The following SGCZ variants were observed in gnomAD, a reference collection of about 807,000 sequenced individuals.
The protein encoded by SGCZ is sarcoglycan zeta, also known as zeta-sarcoglycan.
SGCZ carries 40 observed loss-of-function variants against 41.3 expected under a neutral mutation model. The ratio of observed to expected loss-of-function variants is 0.97; its 90% confidence interval spans 0.75 to 1.26. The LOEUF (loss-of-function observed/expected upper bound fraction) is 1.26. SGCZ is among the 50% of genes most tolerant of loss of function. The pLI, the probability that SGCZ is intolerant of heterozygous loss-of-function variation, is 0.00. For missense variants in SGCZ, 552 were observed against 369.8 expected (o/e 1.49, Z -4.04); for synonymous variants, 206 against 137.5 (o/e 1.50, Z -3.49).
At chr8:15,230,072 A>T (rs117644041) in intron 1 of SGCZ, among the ~76,000 whole-genome samples, 5,333 of 152,084 alleles carry the variant, frequency 0.035, 155 homozygotes, top group Non-Finnish European at 0.047. Context: ...GCATGAAGAG[A>T]TGTGAAGTGT....
chr8:14,382,311 G>C (rs1012265641), intron 2 of SGCZ, among the ~76,000 whole-genome samples: 1 of 152,090 alleles, frequency 6.6e-6, no homozygotes, highest in African/African-American at 2.4e-5. Context: ...GTCTGCACCA[G>C]TATTGATTGT....
chr8:15,149,241 T>G (rs1799115162), intron 1 of SGCZ, among the ~76,000 whole-genome samples: 2 of 152,160 alleles, frequency 1.3e-5, no homozygotes, highest in South Asian at 4.1e-4. Context: ...CTATATGGGA[T>G]GAGGTCTGGA....
At chr8:14,198,427 C>T (rs1419398505) in intron 4 of SGCZ, among the ~76,000 whole-genome samples, 1 of 152,062 alleles carries the variant, frequency 6.6e-6, no homozygotes, top group East Asian at 1.9e-4. Flanking sequence ...GAACAATGGA[C>T]ATTAGGGAAT....
At chr8:15,015,687 C>CAAAAAAA (rs61080299) in intron 1 of SGCZ, among the ~76,000 whole-genome samples, 1 of 121,784 alleles carries the variant, frequency 8.2e-6, no homozygotes, top group Admixed American at 9.3e-5. Flanking sequence ...GACTCCATCT[C>CAAAAAAA]AAAAAAAAAA....
At chr8:14,982,087 T>G (rs1360697020) in intron 1 of SGCZ, among the ~76,000 whole-genome samples, 1 of 151,596 alleles carries the variant, frequency 6.6e-6, no homozygotes, top group East Asian at 1.9e-4. Flanking sequence ...GAGGCGGAGT[T>G]TGCAGTGAGC....
chr8:14,137,991 A>G (rs1803253653), intron 5 of SGCZ, among the ~76,000 whole-genome samples: 1 of 152,222 alleles, frequency 6.6e-6, no homozygotes, highest in Non-Finnish European at 1.5e-5. Context: ...CTCAGCAGAA[A>G]TTCTACAAGC....
At chr8:14,178,236 G>C (rs1197267424) in intron 4 of SGCZ, among the ~76,000 whole-genome samples, 3 of 152,128 alleles carry the variant, frequency 2.0e-5, no homozygotes, top group Non-Finnish European at 2.9e-5. Context: ...TTACAGGCTT[G>C]AGCCACCACA....
At chr8:14,854,804 G>A (rs933417174) in intron 1 of SGCZ, among the ~76,000 whole-genome samples, 6 of 151,904 alleles carry the variant, frequency 3.9e-5, no homozygotes, top group African/African-American at 1.2e-4. Flanking sequence ...ATTGGGATCA[G>A]TCTCCCAGGG....
chr8:15,227,776 C>T (rs568672022), intron 1 of SGCZ, among the ~76,000 whole-genome samples: 11 of 152,300 alleles, frequency 7.2e-5, no homozygotes, highest in African/African-American at 2.6e-4. Flanking sequence ...CTCCACAACT[C>T]TGAATAGGCA....
At chr8:14,492,369 T>C (rs982304668) in intron 2 of SGCZ, among the ~76,000 whole-genome samples, 1 of 152,196 alleles carries the variant, frequency 6.6e-6, no homozygotes, top group African/African-American at 2.4e-5. Flanking sequence ...AAAATATTGT[T>C]GATAAGTTAA....
chr8:14,146,241 A>G (rs1037279972), intron 5 of SGCZ, among the ~76,000 whole-genome samples: 4 of 152,188 alleles, frequency 2.6e-5, no homozygotes, highest in African/African-American at 9.7e-5. Context: ...CTGGCAGCCA[A>G]CTCTTTCAGT....
intron 2 of SGCZ, among the ~76,000 whole-genome samples, chr8:14,376,328 T>C (rs994193208): frequency 1.3e-5 from 2 of 149,658 alleles, no homozygotes; most frequent in African/African-American, 5.0e-5. Context: ...TAAAATAAAA[T>C]AAAAAATAAA....
intron 3 of SGCZ, among the ~76,000 whole-genome samples, chr8:14,268,949 C>T (rs1799967118): frequency 6.6e-6 from 1 of 151,382 alleles, no homozygotes; most frequent in Admixed American, 6.6e-5. Flanking sequence ...AAGTATATAT[C>T]TTAAGTGCCA....
chr8:15,180,310 G>C (rs1024331788), intron 1 of SGCZ, among the ~76,000 whole-genome samples: 5 of 152,028 alleles, frequency 3.3e-5, no homozygotes, highest in African/African-American at 1.2e-4. Context: ...TTTTCCACTG[G>C]CTATATAAAA....
intron 1 of SGCZ, among the ~76,000 whole-genome samples, chr8:14,817,522 C>G (rs1801944402): frequency 1.3e-5 from 2 of 152,122 alleles, no homozygotes; most frequent in Admixed American, 6.5e-5. Flanking sequence ...AGAGTACTTT[C>G]TGCCCTAGGG....
chr8:14,384,070 T>G (rs959349609), intron 2 of SGCZ, among the ~76,000 whole-genome samples: 4 of 152,002 alleles, frequency 2.6e-5, no homozygotes, highest in African/African-American at 9.7e-5. Flanking sequence ...ACCCATTAAC[T>G]CGTCATTTAG....
intron 1 of SGCZ, among the ~76,000 whole-genome samples, chr8:14,936,341 C>T (rs191400973): frequency 2.0e-5 from 3 of 152,010 alleles, no homozygotes; most frequent in Admixed American, 2.0e-4. Flanking sequence ...AAATCTTAGC[C>T]TAGCCTACCT....
Position 14,599,270 on chromosome 8 carries a change from G to A in SGCZ, c.40-44344C>T, listed in dbSNP as rs190371122. ...CTCAAATCCCTCCTTACCTATTTTTGATGCAATGTCTATCATTATAATCAG... is the reference window on the plus strand; with the variant it reads ...CTCAAATCCCTCCTTACCTATTTTTAATGCAATGTCTATCATTATAATCAG... On this transcript the variant is annotated intron_variant, in intron 1 of 7. Coordinates refer to ENST00000382080, the MANE Select transcript of SGCZ (RefSeq NM_139167.4). 6.6e-3 allele frequency among the ~76,000 whole-genome samples: 1,000 copies of A among 152,172 alleles called. 10 individuals are homozygous for A. The highest frequency in any genetic ancestry group is 8.1e-3 in the Non-Finnish European group (548 of 67,996).
At chr8:14,375,222 C>G (rs1208259495) in intron 2 of SGCZ, among the ~76,000 whole-genome samples, 1 of 152,112 alleles carries the variant, frequency 6.6e-6, no homozygotes, top group Non-Finnish European at 1.5e-5. Flanking sequence ...CTACAATTCA[C>G]AATGGAGATA....
Sources: gnomAD v4.1 joint callset for allele counts (sites outside exome capture counted in the v4.1 genomes callset) on GRCh38, gnomAD v4.1.1 for gene constraint, MANE v1.5 for transcripts, NCBI Gene and HGNC (gene_info 2026-07-23, HGNC 2026-07-21) for gene names.